Variants in DDX10 observed in about 807,000 individuals in gnomAD.
The protein encoded by DDX10 is probable ATP-dependent RNA helicase DDX10.
Under a neutral mutation model 104.3 loss-of-function variants are expected in DDX10, and 74 were observed. The ratio of observed to expected loss-of-function variants is 0.71; its 90% CI spans 0.59 to 0.86. The LOEUF (loss-of-function observed/expected upper bound fraction) is 0.86, where lower values mean the gene tolerates loss of function less well. DDX10 is among the 40% of genes least tolerant of loss of function. The pLI, the probability that DDX10 is intolerant of heterozygous loss-of-function variation, is 0.00. For missense variants in DDX10, 952 were observed against 1,040.0 expected, an observed-to-expected ratio of 0.92 and a Z score of 1.16; for synonymous variants, 351 against 353.4, an observed-to-expected ratio of 0.99 and a Z score of 0.08.
At chr11:108,774,110 G>T (rs1431668258) in intron 13 of DDX10, among the ~76,000 whole-genome samples, 2 of 152,206 alleles carry the variant, frequency 1.3e-5, no homozygotes, top group Non-Finnish European at 2.9e-5. Flanking sequence ...CAACCAGAAA[G>T]AGAAATCAGG....
chr11:108,687,307 ATTGTTTT>A (rs914193535), intron 6 of DDX10, among the ~76,000 whole-genome samples: 1 of 151,832 alleles, frequency 6.6e-6, no homozygotes, highest in African/African-American at 2.4e-5. Context: ...TCATCTTTAA[ATTGTTTT>A]TTATTTTTTT....
At chr11:108,784,120 A>C (rs1439423628) in intron 13 of DDX10, among the ~76,000 whole-genome samples, 1 of 152,164 alleles carries the variant, frequency 6.6e-6, no homozygotes, top group Non-Finnish European at 1.5e-5. Flanking sequence ...ATATACAAGT[A>C]CATATATGTT....
intron 6 of DDX10, among the ~76,000 whole-genome samples, chr11:108,687,153 G>A (rs897641886): frequency 6.6e-6 from 1 of 152,156 alleles, no homozygotes; most frequent in Non-Finnish European, 1.5e-5. Context: ...TTGCATTTCT[G>A]CCAGCAGTGA....
At chr11:108,676,723 C>T (rs1453603191) in intron 3 of DDX10, among the ~76,000 whole-genome samples, 2 of 152,122 alleles carry the variant, frequency 1.3e-5, no homozygotes, top group African/African-American at 2.4e-5. Context: ...TGGGATCAGG[C>T]GTGAGCCACT....
intron 15 of DDX10, among the ~76,000 whole-genome samples, chr11:108,849,605 G>A (rs1862764669): frequency 1.3e-5 from 2 of 151,980 alleles, no homozygotes; most frequent in Non-Finnish European, 2.9e-5. Flanking sequence ...TTGTGAATTT[G>A]ATTTTCATTA....
chr11:108,864,435 G>T (rs2726909), intron 16 of DDX10, among the ~76,000 whole-genome samples: 149,636 of 151,072 alleles, frequency 0.99, 74,138 homozygotes, highest in East Asian at 1. Context: ...ATATAGAATA[G>T]ATAGAATAAA....
intron 16 of DDX10, among the ~76,000 whole-genome samples, chr11:108,884,788 A>G (rs1863272937): frequency 6.6e-6 from 1 of 152,190 alleles, no homozygotes; most frequent in Admixed American, 6.5e-5. Flanking sequence ...TGTACTTTTC[A>G]AAGATTTTCC....
chr11:108,750,926 CTTTTTTTTTTTTTTTTTTTTTTTTTT>C (rs10582729), intron 13 of DDX10, among the ~76,000 whole-genome samples: 2 of 24,262 alleles, frequency 8.2e-5, no homozygotes, highest in Non-Finnish European at 9.9e-5. Flanking sequence ...CACCTGGTTA[CTTTTTTTTTTTTTTTTTTTTTTTTTT>C]TTTTTTTTTT....
intron 13 of DDX10, among the ~76,000 whole-genome samples, chr11:108,820,388 G>A (rs1309500619): frequency 2.0e-5 from 3 of 152,178 alleles, no homozygotes; most frequent in African/African-American, 4.8e-5. Flanking sequence ...GTAGGGGAAG[G>A]AATTGATTTC....
chr11:108,699,405 T>G (rs577932393), intron 9 of DDX10, among the ~76,000 whole-genome samples: 3 of 152,144 alleles, frequency 2.0e-5, no homozygotes, highest in Non-Finnish European at 4.4e-5. Flanking sequence ...AGATGGTACT[T>G]TAAGGTTCAG....
intron 13 of DDX10, among the ~76,000 whole-genome samples, chr11:108,814,772 ATTTG>A (rs1328292170): frequency 1.3e-5 from 2 of 152,230 alleles, no homozygotes; most frequent in African/African-American, 4.8e-5. Context: ...ACATCAATAT[ATTTG>A]TTATAGGAAT....
Position 108,887,160 on chromosome 11 carries a change from TTATC to T in DDX10, c.2305-30709_2305-30706del, listed in dbSNP as rs551010139. Among the ~76,000 whole-genome samples, 97 of 152,278 alleles carry T rather than the reference TTATC, an allele frequency of 6.4e-4. 1 individual carries two copies. The highest frequency in any genetic ancestry group is 2.2e-3 in the African/African-American group (91 of 41,546). The stretch of plus-strand genomic sequence containing the variant: ...ATAGAGAAAAGGAAAATTGGGGTGT[TTATC>T]TATAATTTCAATCTTCTGAATGGGA... On this transcript the variant is annotated intron_variant, in intron 16 of 17. Coordinates refer to ENST00000322536, the MANE Select transcript of DDX10 (RefSeq NM_004398.4).
chr11:108,669,659 A>C (rs929839278), intron 1 of DDX10, among the ~76,000 whole-genome samples: 1 of 152,196 alleles, frequency 6.6e-6, no homozygotes, highest in African/African-American at 2.4e-5. Context: ...GAACCTGTGA[A>C]TATGTTAGAT....
chr11:108,932,803 T>A (rs1237842976), intron 17 of DDX10, among the ~76,000 whole-genome samples: 2 of 152,042 alleles, frequency 1.3e-5, no homozygotes, highest in African/African-American at 4.8e-5. Context: ...GAAAGTAATT[T>A]CAATTTTTAC....
At chr11:108,891,434 A>G (rs1490389896) in intron 16 of DDX10, among the ~76,000 whole-genome samples, 2 of 151,992 alleles carry the variant, frequency 1.3e-5, no homozygotes, top group African/African-American at 2.4e-5. Flanking sequence ...TATCCAGTTG[A>G]CTCTTACATG....
intron 15 of DDX10, among the ~76,000 whole-genome samples, 191 bp downstream of exon 15, chr11:108,841,667 C>A (rs1862640893): frequency 6.6e-6 from 1 of 152,030 alleles, no homozygotes; most frequent in East Asian, 1.9e-4. Context: ...TGACTCGTTT[C>A]TGAGAATGCC....
At chr11:108,726,636 T>C (rs2094305744) in intron 13 of DDX10, among the ~76,000 whole-genome samples, 1 of 151,946 alleles carries the variant, frequency 6.6e-6, no homozygotes, top group Admixed American at 6.6e-5. Context: ...ATGAGGATGG[T>C]TTCATTTCTT....
At chr11:108,915,920 C>T (rs1333734593) in intron 16 of DDX10, among the ~76,000 whole-genome samples, 4 of 134,450 alleles carry the variant, frequency 3.0e-5, no homozygotes, top group African/African-American at 1.1e-4. Context: ...CTTCACTTAA[C>T]CCAGACATTA....
intron 13 of DDX10, among the ~76,000 whole-genome samples, chr11:108,747,161 G>T (rs989096351): frequency 6.6e-6 from 1 of 152,132 alleles, no homozygotes; most frequent in African/African-American, 2.4e-5. Flanking sequence ...AAGAGGCCCA[G>T]TATATGAATT....
Sources: allele counts gnomAD v4.1 joint callset (sites outside exome capture counted in the v4.1 genomes callset), GRCh38; gene constraint gnomAD v4.1.1; transcripts MANE v1.5; gene names NCBI Gene and HGNC (gene_info 2026-07-23, HGNC 2026-07-21).